The following ADAM22 variants were observed in gnomAD, a reference collection of about 807,000 sequenced individuals.
The protein encoded by ADAM22 is ADAM metallopeptidase domain 22, also known as disintegrin and metalloproteinase domain-containing protein 22.
Under a neutral mutation model 144.6 loss-of-function variants are expected in ADAM22, and 65 were observed. The observed-to-expected ratio is 0.45, with a 90% confidence interval of 0.37 to 0.55. The LOEUF (loss-of-function observed/expected upper bound fraction) is 0.55. Ranked by LOEUF, ADAM22 falls within the 20% of genes least tolerant of loss-of-function variation. The probability of loss-of-function intolerance (pLI) is 0.00; values close to 1 mark genes in which losing one functional copy is unlikely to be tolerated. For missense variants in ADAM22, 974 were observed against 1,184.9 expected (o/e 0.82, Z 2.61); for synonymous variants, 391 against 412.6 (o/e 0.95, Z 0.63).
Position 88,200,494 on chromosome 7 carries a change from G to A in ADAM22, c.*4003G>A, listed in dbSNP as rs559579433. 9.9e-4 allele frequency: 151 copies of A among 152,324 alleles called. No homozygotes were observed. Among genetic ancestry groups the A allele is most frequent in the African/African-American group, 3.6e-3 (149 of 41,570 alleles). The allele number at this position is 152,324 out of a possible 1,614,324, so 9.4% of individuals were successfully genotyped here. ...GCCACTGGATGCCCACATGGGCAGC[G>A]TGTTGTAAATATCACCCTACCAGTT... On this transcript the variant is annotated 3_prime_UTR_variant, in exon 32 of 32. Coordinates refer to ENST00000413139, the MANE Select transcript of ADAM22 (RefSeq NM_001324418.2).
chr7:88,013,581 T>C (rs931563773), intron 3 of ADAM22, among the ~76,000 whole-genome samples: 2 of 152,130 alleles, frequency 1.3e-5, no homozygotes, highest in African/African-American at 2.4e-5. Context: ...CACAGCACCA[T>C]GCCTGGCTAA....
intron 3 of ADAM22, among the ~76,000 whole-genome samples, chr7:88,027,520 A>G (rs939016582): frequency 2.6e-5 from 4 of 152,152 alleles, no homozygotes; most frequent in African/African-American, 7.2e-5. Flanking sequence ...TTCTTGGCAT[A>G]TAGTTGCAAA....
intron 4 of ADAM22, among the ~76,000 whole-genome samples, chr7:88,104,582 C>G (rs1369771788): frequency 6.6e-6 from 1 of 150,732 alleles, no homozygotes; most frequent in African/African-American, 2.4e-5. Context: ...TTAAGAAAGC[C>G]CTTTAACAGC....
At chr7:88,037,997 A>G (rs774674772) in intron 3 of ADAM22, among the ~76,000 whole-genome samples, 54 of 152,186 alleles carry the variant, frequency 3.5e-4, no homozygotes, top group Non-Finnish European at 1.6e-4. Flanking sequence ...CCCCATGGAC[A>G]TAGTGATATA....
chr7:88,005,933 A>G (rs912574735), intron 3 of ADAM22, among the ~76,000 whole-genome samples: 3 of 152,192 alleles, frequency 2.0e-5, no homozygotes, highest in African/African-American at 4.8e-5. Flanking sequence ...ACCTAGAAAT[A>G]TAACATTTAA....
intron 4 of ADAM22, among the ~76,000 whole-genome samples, chr7:88,102,957 GT>G (rs1353748237): frequency 6.6e-6 from 1 of 152,140 alleles, no homozygotes; most frequent in Non-Finnish European, 1.5e-5. Context: ...GCACGTGTGG[GT>G]ATATAAACAT....
intron 3 of ADAM22, among the ~76,000 whole-genome samples, chr7:88,005,745 G>T (rs1004176229): frequency 6.6e-6 from 1 of 152,006 alleles, no homozygotes; most frequent in Non-Finnish European, 1.5e-5. Context: ...TTGAATCCAG[G>T]TTCATTAGGC....
intron 3 of ADAM22, among the ~76,000 whole-genome samples, chr7:88,048,474 C>G (rs1309400182): frequency 6.6e-6 from 1 of 152,032 alleles, no homozygotes; most frequent in Non-Finnish European, 1.5e-5. Context: ...CAAGATTAAC[C>G]TGTGTTCCTA....
intron 2 of ADAM22, among the ~76,000 whole-genome samples, chr7:87,973,494 TGTAAACTAG>T (rs1212481153): frequency 2.0e-5 from 3 of 152,066 alleles, no homozygotes; most frequent in African/African-American, 4.8e-5. Context: ...TTGGTGGGAC[TGTAAACTAG>T]TTCAACCATT....
chr7:88,076,647 A>T (rs1814596439), intron 4 of ADAM22, among the ~76,000 whole-genome samples: 1 of 152,168 alleles, frequency 6.6e-6, no homozygotes, highest in Admixed American at 6.5e-5. Flanking sequence ...GAAAATATTA[A>T]CACAAAAATA....
At chr7:88,058,321 A>G (rs1808834643) in intron 3 of ADAM22, among the ~76,000 whole-genome samples, 2 of 152,228 alleles carry the variant, frequency 1.3e-5, no homozygotes, top group African/African-American at 4.8e-5. Flanking sequence ...TTGTTTTAAA[A>G]TGGGAAACCT....
At position 88,181,985 on chromosome 7, in the gene ADAM22, T is replaced by C; in HGVS notation, c.2624T>C (p.Ile875Thr). The change falls in exon 29 of 32, where the codon ATC becomes ACC. Residue 875 changes from isoleucine (I) to threonine (T), a missense_variant. Ile to Thr is a moderately conservative substitution (Grantham distance 89, BLOSUM62 -1). Around this residue, in one of 2 missense-constraint regions of ADAM22, gnomAD observed 734 missense variants for 950.6 expected, o/e 0.77. Coordinates refer to ENST00000413139, the MANE Select transcript of ADAM22 (RefSeq NM_001324418.2). ...AACCTGGGAGGCAACAAAAAGAAAA[T>C]CAGAGGCAAAAGATTTAGACCTCGG... ...QGNLGGNKKK[I>T]RGKRFRPRSN... 6.2e-7 allele frequency: 1 copy of C among 1,613,456 alleles called. No homozygotes were observed. Among genetic ancestry groups the C allele is most frequent in the Non-Finnish European group, 8.5e-7 (1 of 1,179,714 alleles).
chr7:87,975,545 A>G (rs1036717729), intron 2 of ADAM22, among the ~76,000 whole-genome samples: 13 of 152,348 alleles, frequency 8.5e-5, no homozygotes, highest in African/African-American at 2.4e-4. Context: ...GTAGTTAAGC[A>G]TTCTGTCAAT....
At chr7:88,024,617 T>G (rs1451376055) in intron 3 of ADAM22, among the ~76,000 whole-genome samples, 1 of 152,126 alleles carries the variant, frequency 6.6e-6, no homozygotes, top group East Asian at 1.9e-4. Context: ...TTGTTACATA[T>G]GTATACATAC....
At chr7:88,147,985 T>A (rs1021158509) in intron 17 of ADAM22, among the ~76,000 whole-genome samples, 1 of 152,208 alleles carries the variant, frequency 6.6e-6, no homozygotes, top group Non-Finnish European at 1.5e-5. Context: ...GCTTGGCACG[T>A]TATTAAATAT....
intron 26 of ADAM22, among the ~76,000 whole-genome samples, chr7:88,173,528 A>C (rs886312131): frequency 7.9e-5 from 12 of 152,086 alleles, no homozygotes; most frequent in African/African-American, 2.9e-4. Flanking sequence ...CTTTTTGAGA[A>C]TATATGTTAG....
At chr7:87,955,875 C>G (rs1028748288) in intron 2 of ADAM22, among the ~76,000 whole-genome samples, 23 of 152,342 alleles carry the variant, frequency 1.5e-4, no homozygotes, top group African/African-American at 4.6e-4. Context: ...GCAGTTTGAT[C>G]TCAGACTGCT....
intron 4 of ADAM22, among the ~76,000 whole-genome samples, chr7:88,086,636 T>C (rs1818512853): frequency 6.6e-6 from 1 of 152,214 alleles, no homozygotes. Flanking sequence ...TTTTATATGA[T>C]TGACACGGAC....
intron 4 of ADAM22, among the ~76,000 whole-genome samples, chr7:88,100,668 A>T (rs1347733273): frequency 1.3e-5 from 2 of 152,128 alleles, no homozygotes; most frequent in South Asian, 2.1e-4. Flanking sequence ...TTACTTTGTT[A>T]TTTGTTTATT....
Sources: gnomAD v4.1 joint callset for allele counts (sites outside exome capture counted in the v4.1 genomes callset) on GRCh38, gnomAD v4.1.1 for gene constraint, gnomAD v4.1.1 regional missense constraint, MANE v1.5 for transcripts, NCBI Gene and HGNC (gene_info 2026-07-23, HGNC 2026-07-21) for gene names.